CADM2: variants seen among roughly 807,000 people sequenced by gnomAD.
CADM2 encodes immunoglobulin superfamily member 4D.
In CADM2, 12 loss-of-function variants were observed where a neutral mutation model predicts 49.8. The observed-to-expected ratio is 0.24, with a 90% confidence interval of 0.15 to 0.39. The LOEUF (loss-of-function observed/expected upper bound fraction) is 0.39. CADM2 is among the 10% of genes least tolerant of loss of function. CADM2 has a pLI of 1.00. For synonymous variants in CADM2, 214 were observed against 175.4 expected (o/e 1.22, Z -1.74); for missense variants, 378 against 492.3 (o/e 0.77, Z 2.20).
intron 1 of CADM2, among the ~76,000 whole-genome samples, chr3:85,379,810 A>G (rs1252509153): frequency 6.6e-6 from 1 of 152,052 alleles, no homozygotes; most frequent in Non-Finnish European, 1.5e-5. Flanking sequence ...ATTTTGTATT[A>G]CTCGCAACTG....
At chr3:85,750,529 A>G (rs964166099) in intron 2 of CADM2, among the ~76,000 whole-genome samples, 5 of 152,146 alleles carry the variant, frequency 3.3e-5, no homozygotes, top group Non-Finnish European at 7.4e-5. Context: ...TATGGTAAAT[A>G]TAGTGAATAT....
At chr3:85,501,023 A>G (rs185716907) in intron 1 of CADM2, among the ~76,000 whole-genome samples, 206 of 152,290 alleles carry the variant, frequency 1.4e-3, no homozygotes, top group Non-Finnish European at 1.0e-3. Flanking sequence ...TATCCACAGA[A>G]ATTATTAAAA....
chr3:85,218,357 T>C (rs950287664), intron 1 of CADM2, among the ~76,000 whole-genome samples: 2 of 152,176 alleles, frequency 1.3e-5, no homozygotes, highest in African/African-American at 2.4e-5. Context: ...GACCAAGCTA[T>C]AGTGATGCAA....
intron 1 of CADM2, among the ~76,000 whole-genome samples, chr3:85,578,027 C>CCTTCCTTCCTTT (rs1559922468): frequency 6.7e-6 from 1 of 149,646 alleles, no homozygotes; most frequent in Non-Finnish European, 1.5e-5. Context: ...TTCCTTCCTT[C>CCTTCCTTCCTTT]CTTTCTTCCC....
chr3:85,827,409 C>T (rs1195517195), intron 3 of CADM2, among the ~76,000 whole-genome samples: 1 of 151,846 alleles, frequency 6.6e-6, no homozygotes, highest in Non-Finnish European at 1.5e-5. Flanking sequence ...TGTATATACA[C>T]TGTGTTGCAT....
At chr3:85,921,214 G>A (rs1243899396) in intron 6 of CADM2, among the ~76,000 whole-genome samples, 1 of 151,734 alleles carries the variant, frequency 6.6e-6, no homozygotes, top group Non-Finnish European at 1.5e-5. Context: ...ATTTTTAAAA[G>A]ATAGCTACAG....
chr3:85,767,324 G>A (rs539922855), intron 2 of CADM2, among the ~76,000 whole-genome samples: 15 of 152,152 alleles, frequency 9.9e-5, no homozygotes, highest in South Asian at 2.1e-4. Flanking sequence ...CGGCTGCTTC[G>A]AAGGCATGTA....
chr3:85,335,173 C>T (rs1445127037), intron 1 of CADM2, among the ~76,000 whole-genome samples: 2 of 151,490 alleles, frequency 1.3e-5, no homozygotes. Flanking sequence ...TTGATACATT[C>T]ATTTTCTATT....
chr3:85,265,604 C>T (rs1030463496), intron 1 of CADM2, among the ~76,000 whole-genome samples: 2 of 152,010 alleles, frequency 1.3e-5, no homozygotes, highest in Non-Finnish European at 2.9e-5. Flanking sequence ...CCCTCATGAA[C>T]TAATCACCAA....
intron 7 of CADM2, among the ~76,000 whole-genome samples, chr3:85,939,589 T>C (rs1227988183): frequency 6.6e-6 from 1 of 151,638 alleles, no homozygotes; most frequent in Admixed American, 6.6e-5. Flanking sequence ...GAGTCATCAT[T>C]CATTTTAATC....
chr3:85,426,323 G>A (rs1057500960), intron 1 of CADM2, among the ~76,000 whole-genome samples: 1 of 151,628 alleles, frequency 6.6e-6, no homozygotes, highest in Non-Finnish European at 1.5e-5. Flanking sequence ...TTGTAGAGAC[G>A]TTCTTATTTT....
At chr3:85,314,571 A>G (rs2044421886) in intron 1 of CADM2, among the ~76,000 whole-genome samples, 1 of 152,172 alleles carries the variant, frequency 6.6e-6, no homozygotes, top group South Asian at 2.1e-4. Context: ...ACATGTGTAA[A>G]TAATCTGATA....
intron 1 of CADM2, among the ~76,000 whole-genome samples, chr3:85,240,191 T>C (rs568721685): frequency 1.5e-4 from 23 of 151,658 alleles, no homozygotes; most frequent in African/African-American, 5.1e-4. Context: ...TATTTGTTTA[T>C]ATTGTTATAA....
chr3:85,897,302 G>A (rs1432228360), intron 5 of CADM2, among the ~76,000 whole-genome samples: 46 of 108,194 alleles, frequency 4.3e-4, no homozygotes, highest in African/African-American at 1.3e-3. Context: ...TCGCTCTGTC[G>A]CCCAGGCCGG....
intron 1 of CADM2, among the ~76,000 whole-genome samples, chr3:85,544,509 G>A (rs1488396546): frequency 1.3e-5 from 2 of 152,032 alleles, no homozygotes; most frequent in Non-Finnish European, 2.9e-5. Flanking sequence ...CCCGGGAGGC[G>A]GAGCTTGCAG....
chr3:85,172,358 A>G (rs1461529782), intron 1 of CADM2, among the ~76,000 whole-genome samples: 1 of 152,248 alleles, frequency 6.6e-6, no homozygotes, highest in African/African-American at 2.4e-5. Flanking sequence ...TATGAAAGCA[A>G]TTCGGGGACA....
intron 1 of CADM2, among the ~76,000 whole-genome samples, chr3:85,561,319 T>G (rs1039217591): frequency 2.6e-5 from 4 of 152,170 alleles, no homozygotes; most frequent in Non-Finnish European, 5.9e-5. Flanking sequence ...TAAATAAGAA[T>G]AGCAAATTAA....
intron 1 of CADM2, among the ~76,000 whole-genome samples, chr3:85,174,160 A>G (rs924463889): frequency 2.6e-5 from 4 of 152,142 alleles, no homozygotes; most frequent in Non-Finnish European, 5.9e-5. Flanking sequence ...ATTCAATTGA[A>G]CTGGAAGTTG....
At chr3:86,022,722 A>G (rs1321977769) in intron 8 of CADM2, among the ~76,000 whole-genome samples, 2 of 152,132 alleles carry the variant, frequency 1.3e-5, no homozygotes, top group Admixed American at 1.3e-4. Context: ...CATTTTCTGA[A>G]CTACAAATAG....
Sources: gnomAD v4.1 joint callset for allele counts (sites outside exome capture counted in the v4.1 genomes callset) on GRCh38, gnomAD v4.1.1 for gene constraint, MANE v1.5 for transcripts, NCBI Gene and HGNC (gene_info 2026-07-23, HGNC 2026-07-21) for gene names.